Variants in PARP8 observed in about 807,000 individuals in gnomAD.
PARP8 encodes protein mono-ADP-ribosyltransferase PARP8.
A neutral mutation model predicts 124.1 loss-of-function variants in PARP8; 51 were observed. That is an observed-to-expected ratio of 0.41 (90% CI 0.33 to 0.52). The LOEUF is 0.52. Among genes scored for constraint, PARP8 ranks in the 20% least tolerant of loss-of-function variants. The pLI is 0.21. For missense variants in PARP8, 860 were observed against 1,018.9 expected (o/e 0.84, Z 2.12); for synonymous variants, 391 against 361.5 (o/e 1.08, Z -0.93).
At chr5:50,693,020 C>T (rs1033526213) in intron 2 of PARP8, among the ~76,000 whole-genome samples, 1 of 152,032 alleles carries the variant, frequency 6.6e-6, no homozygotes, top group African/African-American at 2.4e-5. Context: ...TGAGGACCTC[C>T]CTTAGGAATT....
intron 2 of PARP8, among the ~76,000 whole-genome samples, chr5:50,722,344 A>G (rs898347239): frequency 2.6e-5 from 4 of 152,042 alleles, no homozygotes; most frequent in African/African-American, 9.7e-5. Context: ...ATATACTTCT[A>G]TGTGTTTACT....
At chr5:50,787,992 G>C (rs1007345750) in intron 9 of PARP8, among the ~76,000 whole-genome samples, 1 of 148,914 alleles carries the variant, frequency 6.7e-6, no homozygotes, top group African/African-American at 2.5e-5. Flanking sequence ...TACGAACCAC[G>C]TGAAAAGGAA....
intron 3 of PARP8, among the ~76,000 whole-genome samples, chr5:50,758,909 A>C (rs994285465): frequency 6.6e-6 from 1 of 152,202 alleles, no homozygotes; most frequent in Non-Finnish European, 1.5e-5. Context: ...AGACTAACTT[A>C]GTATTTTGTG....
At chr5:50,819,893 A>C (rs1411541285) in intron 15 of PARP8, among the ~76,000 whole-genome samples, 1 of 152,124 alleles carries the variant, frequency 6.6e-6, no homozygotes, top group African/African-American at 2.4e-5. Flanking sequence ...GACAAAAAGG[A>C]GGGTTTTATT....
chr5:50,806,937 A>G (rs1468792354), intron 14 of PARP8, among the ~76,000 whole-genome samples: 2 of 152,100 alleles, frequency 1.3e-5, no homozygotes, highest in African/African-American at 4.8e-5. Context: ...AGTAAGTCTC[A>G]GAGACATAAA....
intron 2 of PARP8, among the ~76,000 whole-genome samples, chr5:50,729,316 C>G (rs1348202580): frequency 6.6e-6 from 1 of 151,830 alleles, no homozygotes; most frequent in African/African-American, 2.4e-5. Flanking sequence ...GGGGAAAAAA[C>G]TTTTTTTTCA....
chr5:50,728,323 T>C (rs986385075), intron 2 of PARP8, among the ~76,000 whole-genome samples: 5 of 152,212 alleles, frequency 3.3e-5, no homozygotes, highest in Middle Eastern at 3.2e-3. Flanking sequence ...TAGACTGACT[T>C]GAATTTATCT....
chr5:50,755,460 T>C (rs1759825700), intron 3 of PARP8, among the ~76,000 whole-genome samples: 1 of 152,234 alleles, frequency 6.6e-6, no homozygotes, highest in Non-Finnish European at 1.5e-5. Context: ...TTTCTCACTT[T>C]TGTCAGGTTT....
intron 2 of PARP8, among the ~76,000 whole-genome samples, chr5:50,685,258 G>T (rs1301777472): frequency 6.6e-6 from 1 of 152,154 alleles, no homozygotes; most frequent in Non-Finnish European, 1.5e-5. Flanking sequence ...TTAAATAAAA[G>T]GGGATTTTCT....
chr5:50,773,911 T>A (rs1468271147), intron 7 of PARP8, among the ~76,000 whole-genome samples: 6 of 151,040 alleles, frequency 4.0e-5, no homozygotes, highest in Non-Finnish European at 8.8e-5. Context: ...GGTCATAGGA[T>A]AATAATGGAG....
chr5:50,673,783 G>A (rs1242187668), intron 2 of PARP8, among the ~76,000 whole-genome samples: 1 of 152,178 alleles, frequency 6.6e-6, no homozygotes, highest in Non-Finnish European at 1.5e-5. Context: ...TATGTACGTT[G>A]GCTGTGGAAT....
intron 2 of PARP8, among the ~76,000 whole-genome samples, chr5:50,709,138 A>G (rs1324408638): frequency 2.0e-5 from 3 of 150,420 alleles, no homozygotes; most frequent in African/African-American, 7.3e-5. Context: ...ACCTCCTTCT[A>G]CTCCTTTTTT....
intron 2 of PARP8, among the ~76,000 whole-genome samples, chr5:50,740,279 A>G (rs1225409620): frequency 5.9e-5 from 9 of 152,126 alleles, no homozygotes; most frequent in Non-Finnish European, 1.3e-4. Flanking sequence ...AGGTCATCAA[A>G]GTTTTTTCTT....
At chr5:50,813,805 G>T (rs578197019) in intron 14 of PARP8, among the ~76,000 whole-genome samples, 2 of 151,878 alleles carry the variant, frequency 1.3e-5, no homozygotes, top group Non-Finnish European at 2.9e-5. Flanking sequence ...ATAGTCCCTG[G>T]AATGTGTGTG....
intron 2 of PARP8, among the ~76,000 whole-genome samples, chr5:50,681,695 A>G (rs1049629853): frequency 6.6e-6 from 1 of 152,148 alleles, no homozygotes; most frequent in Non-Finnish European, 1.5e-5. Flanking sequence ...CCAACCTGAA[A>G]TTCTTTAAGC....
rs116857856 is a variant in PARP8, at chr5:50,668,146, G to A, written c.146+21G>A. The A allele has an allele frequency of 1.3e-5, 20 of 1,569,708 alleles. No individual in the cohort carries two copies. The East Asian group carries it at 4.3e-4, about 33-fold the overall frequency. On this transcript the variant is annotated intron_variant, in intron 2 of 25. Coordinates refer to ENST00000281631, the MANE Select transcript of PARP8 (RefSeq NM_024615.4). ...AGAAGGTATTTATGTGTATAGAGTT[G>A]CTTCATTTCCTGTTCACACTCTTGT...
chr5:50,696,014 C>G (rs1295729632), intron 2 of PARP8, among the ~76,000 whole-genome samples: 1 of 152,156 alleles, frequency 6.6e-6, no homozygotes, highest in Non-Finnish European at 1.5e-5. Context: ...AAAGTTAAAT[C>G]TGTACACCAG....
At chr5:50,810,677 C>T (rs1744338559) in intron 14 of PARP8, among the ~76,000 whole-genome samples, 1 of 151,934 alleles carries the variant, frequency 6.6e-6, no homozygotes, top group African/African-American at 2.4e-5. Flanking sequence ...ACACTTTGAA[C>T]TTCTCGGAAA....
chr5:50,780,579 A>G (rs938448493), intron 9 of PARP8, among the ~76,000 whole-genome samples: 2 of 152,026 alleles, frequency 1.3e-5, no homozygotes, highest in Non-Finnish European at 2.9e-5. Flanking sequence ...ATATTTTAAC[A>G]CTCATTTTAA....
Sources: allele counts gnomAD v4.1 joint callset (sites outside exome capture counted in the v4.1 genomes callset), GRCh38; gene constraint gnomAD v4.1.1; transcripts MANE v1.5; gene names NCBI Gene and HGNC (gene_info 2026-07-23, HGNC 2026-07-21).